Variants in NOL4 observed in about 807,000 individuals in gnomAD.
NOL4 encodes cancer/testis antigen 125.
In NOL4, 17 loss-of-function variants were observed where a neutral mutation model predicts 75.9. The ratio of observed to expected loss-of-function variants is 0.22; its 90% CI spans 0.15 to 0.34. The LOEUF (loss-of-function observed/expected upper bound fraction) is 0.34, where lower values mean the gene tolerates loss of function less well. NOL4 is among the 10% of genes least tolerant of loss of function. NOL4 has a pLI of 1.00. For synonymous variants in NOL4, 292 were observed against 289.9 expected, an observed-to-expected ratio of 1.01 and a Z score of -0.07; for missense variants, 614 against 793.5, an observed-to-expected ratio of 0.77 and a Z score of 2.72.
chr18:33,957,955 G>A (rs1295943989), intron 7 of NOL4, among the ~76,000 whole-genome samples: 3 of 152,038 alleles, frequency 2.0e-5, no homozygotes, highest in Admixed American at 2.0e-4. Flanking sequence ...AACAGATGAC[G>A]GGCGTACTCT....
At chr18:33,923,426 G>A (rs1035818337) in intron 9 of NOL4, among the ~76,000 whole-genome samples, 5 of 151,846 alleles carry the variant, frequency 3.3e-5, no homozygotes, top group African/African-American at 4.8e-5. Context: ...GTTTATCTGA[G>A]TGTTTAGATA....
At chr18:33,864,995 T>C (rs1286770937) in intron 10 of NOL4, among the ~76,000 whole-genome samples, 2 of 152,118 alleles carry the variant, frequency 1.3e-5, no homozygotes, top group South Asian at 2.1e-4. Context: ...TCACCTCCCA[T>C]CATGTCCCTC....
At chr18:34,081,785 T>G (rs1295276865) in intron 5 of NOL4, among the ~76,000 whole-genome samples, 1 of 152,080 alleles carries the variant, frequency 6.6e-6, no homozygotes, top group African/African-American at 2.4e-5. Context: ...CAAAGGAGAA[T>G]TGGAAGGAAT....
chr18:33,955,373 G>A (rs1455884109), intron 8 of NOL4, among the ~76,000 whole-genome samples: 1 of 152,022 alleles, frequency 6.6e-6, no homozygotes, highest in Admixed American at 6.5e-5. Flanking sequence ...ACAAATAGAA[G>A]CAAATGATCG....
chr18:34,143,729 G>T (rs1456704363), intron 1 of NOL4, among the ~76,000 whole-genome samples: 2 of 151,866 alleles, frequency 1.3e-5, no homozygotes, highest in African/African-American at 4.8e-5. Context: ...GCCAGGTGTG[G>T]TGGCACGCAC....
At chr18:34,137,779 T>TGTACACACAC (rs1555735845) in intron 1 of NOL4, among the ~76,000 whole-genome samples, 3 of 147,044 alleles carry the variant, frequency 2.0e-5, no homozygotes, top group Non-Finnish European at 4.5e-5. Flanking sequence ...ATATACGAAA[T>TGTACACACAC]ACACACACAC....
At chr18:34,121,008 T>C (rs938558375) in intron 2 of NOL4, among the ~76,000 whole-genome samples, 3 of 152,210 alleles carry the variant, frequency 2.0e-5, no homozygotes, top group Non-Finnish European at 4.4e-5. Context: ...TTTCTTATGA[T>C]TGAATATTTG....
intron 1 of NOL4, among the ~76,000 whole-genome samples, chr18:34,164,762 A>C (rs2032081832): frequency 6.6e-6 from 1 of 151,840 alleles, no homozygotes; most frequent in Non-Finnish European, 1.5e-5. Context: ...AAGGACTATA[A>C]ATCATGCTGC....
chr18:34,011,315 C>G (rs561699327), intron 6 of NOL4, among the ~76,000 whole-genome samples: 1 of 151,694 alleles, frequency 6.6e-6, no homozygotes, highest in Admixed American at 6.6e-5. Flanking sequence ...TAATGTAAGG[C>G]TCATCTAATA....
At chr18:33,924,302 A>C (rs2067204133) in intron 9 of NOL4, among the ~76,000 whole-genome samples, 1 of 152,212 alleles carries the variant, frequency 6.6e-6, no homozygotes, top group South Asian at 2.1e-4. Context: ...ATGCTGGGAC[A>C]TTCTTTATCT....
intron 10 of NOL4, among the ~76,000 whole-genome samples, chr18:33,855,035 T>G (rs911933814): frequency 1.3e-5 from 2 of 152,014 alleles, no homozygotes; most frequent in African/African-American, 4.8e-5. Flanking sequence ...TCCCAAGTTA[T>G]TATTATTCTT....
intron 6 of NOL4, among the ~76,000 whole-genome samples, chr18:33,991,489 T>C (rs2072912677): frequency 6.6e-6 from 1 of 152,044 alleles, no homozygotes; most frequent in African/African-American, 2.4e-5. Context: ...GATACAACAA[T>C]TAATCCTATC....
intron 1 of NOL4, chr18:34,221,951 C>A: frequency 5.1e-6 from 7 of 1,364,808 alleles, no homozygotes; most frequent in Non-Finnish European, 7.0e-6. Flanking sequence ...TCAAGAAACC[C>A]CAAAGCGAGG....
chr18:33,872,235 T>C (rs901447376), intron 10 of NOL4, among the ~76,000 whole-genome samples: 2 of 152,014 alleles, frequency 1.3e-5, no homozygotes, highest in African/African-American at 4.8e-5. Context: ...TTTCAAATTC[T>C]GTCACAATTA....
chr18:34,104,002 C>A (rs749917435), intron 4 of NOL4, 45 bp downstream of exon 4: 1 of 1,288,366 alleles, frequency 7.8e-7, no homozygotes, highest in Non-Finnish European at 1.1e-6. Context: ...TATCAAGCTT[C>A]GTTCCAATTT....
chr18:34,033,860 C>A (rs551590868), intron 5 of NOL4, among the ~76,000 whole-genome samples: 2 of 151,762 alleles, frequency 1.3e-5, no homozygotes, highest in Non-Finnish European at 2.9e-5. Context: ...CAGCAGAAAT[C>A]TTATGGGCCA....
intron 6 of NOL4, among the ~76,000 whole-genome samples, chr18:34,012,507 G>A (rs565647244): frequency 1.3e-5 from 2 of 151,866 alleles, no homozygotes; most frequent in African/African-American, 2.4e-5. Flanking sequence ...ATATGTGTGT[G>A]TGTTTATATG....
intron 1 of NOL4, among the ~76,000 whole-genome samples, chr18:34,205,103 G>A (rs1346777806): frequency 6.6e-6 from 1 of 152,118 alleles, no homozygotes; most frequent in African/African-American, 2.4e-5. Context: ...AAATGTTTAA[G>A]TCCTGGATTT....
intron 5 of NOL4, among the ~76,000 whole-genome samples, chr18:34,077,161 A>G (rs1454171646): frequency 6.6e-6 from 1 of 151,958 alleles, no homozygotes; most frequent in Non-Finnish European, 1.5e-5. Flanking sequence ...CAAAACAAAT[A>G]GCTGGGCATG....
Sources: gnomAD v4.1 joint callset for allele counts (sites outside exome capture counted in the v4.1 genomes callset) on GRCh38, gnomAD v4.1.1 for gene constraint, MANE v1.5 for transcripts, NCBI Gene and HGNC (gene_info 2026-07-23, HGNC 2026-07-21) for gene names.